Variants in KCNJ16 observed in about 807,000 individuals in gnomAD.
KCNJ16 encodes the protein potassium inwardly rectifying channel subfamily J member 16.
A neutral mutation model predicts 18.5 loss-of-function variants in KCNJ16; 15 were observed. That is an observed-to-expected ratio of 0.81 (90% CI 0.54 to 1.25). The LOEUF (loss-of-function observed/expected upper bound fraction) is 1.25. KCNJ16 is among the 50% of genes most tolerant of loss of function. KCNJ16 has a pLI of 0.00. For synonymous variants in KCNJ16, 174 were observed against 186.5 expected, an observed-to-expected ratio of 0.93 and a Z score of 0.55; for missense variants, 523 against 525.7, an observed-to-expected ratio of 0.99 and a Z score of 0.05.
At chr17:70,124,630 T>C (rs1310350552) in intron 2 of KCNJ16, among the ~76,000 whole-genome samples, 1 of 152,146 alleles carries the variant, frequency 6.6e-6, no homozygotes, top group Admixed American at 6.5e-5. Flanking sequence ...TCTAAGCAAC[T>C]TGGGCTAACA....
At chr17:70,109,227 C>T (rs1431704958) in intron 2 of KCNJ16, among the ~76,000 whole-genome samples, 1 of 151,970 alleles carries the variant, frequency 6.6e-6, no homozygotes, top group African/African-American at 2.4e-5. Context: ...ATCCTGTGAC[C>T]CTGAATAAAT....
chr17:70,117,315 C>G (rs1191445594), intron 2 of KCNJ16, among the ~76,000 whole-genome samples: 1 of 152,098 alleles, frequency 6.6e-6, no homozygotes, highest in Non-Finnish European at 1.5e-5. Context: ...GGAGAGCGGG[C>G]AGGGCTTCAA....
intron 1 of KCNJ16, among the ~76,000 whole-genome samples, chr17:70,078,439 T>C (rs896087757): frequency 2.6e-5 from 4 of 152,202 alleles, no homozygotes; most frequent in African/African-American, 9.7e-5. Flanking sequence ...AAAATAGCTT[T>C]AGAGACTCCA....
At chr17:70,110,163 G>T (rs1040611793) in intron 2 of KCNJ16, among the ~76,000 whole-genome samples, 3 of 152,086 alleles carry the variant, frequency 2.0e-5, no homozygotes, top group Non-Finnish European at 2.9e-5. Context: ...ATCGTCACCT[G>T]TTATGGTGTG....
At chr17:70,080,343 G>T (rs1189959004) in intron 1 of KCNJ16, among the ~76,000 whole-genome samples, 2 of 152,088 alleles carry the variant, frequency 1.3e-5, no homozygotes. Flanking sequence ...CAATTTGGAC[G>T]GGGAGTAAAA....
chr17:70,124,898 T>TTGTGTGTGTGTGTGTG lies in KCNJ16; in HGVS notation c.-190-5968_-190-5967insGTGTGTGTGTGTGTGT, dbSNP rs71149824. Among the ~76,000 whole-genome samples, 93 of 151,210 alleles carry TTGTGTGTGTGTGTGTG rather than the reference T, an allele frequency of 6.2e-4. 1 individual carries two copies. Among genetic ancestry groups the TTGTGTGTGTGTGTGTG allele is most frequent in the African/African-American group, 1.8e-3 (74 of 41,056 alleles). ...CTGAGTTGAATAGATGGGTGTGTGT[T>TTGTGTGTGTGTGTGTG]TGTGTGTGTGTGTTCAGATATGGGT... On this transcript the variant is annotated intron_variant, in intron 2 of 3. Coordinates refer to ENST00000392671, the MANE Select transcript of KCNJ16 (RefSeq NM_170741.4).
At chr17:70,083,181 A>G (rs1482506541) in intron 1 of KCNJ16, among the ~76,000 whole-genome samples, 1 of 149,612 alleles carries the variant, frequency 6.7e-6, no homozygotes, top group Non-Finnish European at 1.5e-5. Flanking sequence ...CAGCTTCTCA[A>G]GTAGCTGGGA....
At chr17:70,102,307 A>C (rs1037467114) in intron 2 of KCNJ16, 4 of 137,870 alleles carry the variant, frequency 2.9e-5, no homozygotes, top group African/African-American at 5.6e-5. Context: ...AGTTCACTAC[A>C]ACCTCTGCCT....
At chr17:70,114,188 C>G (rs915873817) in intron 2 of KCNJ16, among the ~76,000 whole-genome samples, 1 of 152,134 alleles carries the variant, frequency 6.6e-6, no homozygotes, top group Admixed American at 6.6e-5. Flanking sequence ...CAGCTTAAAA[C>G]AGAAACCCAA....
intron 2 of KCNJ16, among the ~76,000 whole-genome samples, chr17:70,122,461 G>A (rs1336927542): frequency 2.0e-5 from 3 of 152,172 alleles, no homozygotes; most frequent in Non-Finnish European, 4.4e-5. Flanking sequence ...ACAGGCGTGA[G>A]TCACCACGCC....
At chr17:70,087,160 G>A (rs894272161) in intron 1 of KCNJ16, among the ~76,000 whole-genome samples, 2 of 151,224 alleles carry the variant, frequency 1.3e-5, no homozygotes, top group African/African-American at 2.4e-5. Context: ...CGCCTGCTTC[G>A]GCCTCCCAAA....
At chr17:70,092,541 T>TACATAGAC (rs2072151641) in intron 1 of KCNJ16, among the ~76,000 whole-genome samples, 1 of 16,588 alleles carries the variant, frequency 6.0e-5, no homozygotes. Context: ...CAGATAGATA[T>TACATAGAC]AGATAGATAT....
chr17:70,078,222 T>A (rs1428996071), intron 1 of KCNJ16, among the ~76,000 whole-genome samples: 2 of 152,188 alleles, frequency 1.3e-5, no homozygotes, highest in Non-Finnish European at 2.9e-5. Flanking sequence ...CTTTTCCCAG[T>A]TGCCATGGCT....
At chr17:70,117,436 C>T (rs940122083) in intron 2 of KCNJ16, among the ~76,000 whole-genome samples, 2 of 151,934 alleles carry the variant, frequency 1.3e-5, no homozygotes, top group Admixed American at 1.3e-4. Context: ...CGACATGGAC[C>T]CCAGAATTTA....
chr17:70,082,533 G>T (rs564564913), intron 1 of KCNJ16, among the ~76,000 whole-genome samples: 2 of 152,282 alleles, frequency 1.3e-5, no homozygotes, highest in South Asian at 2.1e-4. Context: ...AAGCTAATTA[G>T]TGTTTTCCTA....
At chr17:70,106,014 G>T (rs749514809) in intron 2 of KCNJ16, among the ~76,000 whole-genome samples, 3 of 152,118 alleles carry the variant, frequency 2.0e-5, no homozygotes, top group Non-Finnish European at 4.4e-5. Context: ...TGGAGTGCGG[G>T]TATTTTTTCT....
intron 1 of KCNJ16, among the ~76,000 whole-genome samples, chr17:70,098,030 T>C (rs2072458706): frequency 6.6e-6 from 1 of 152,210 alleles, no homozygotes; most frequent in Non-Finnish European, 1.5e-5. Context: ...AATGCTTTCC[T>C]AGAATAATAC....
chr17:70,130,609 A>G (rs1463681448), intron 2 of KCNJ16, among the ~76,000 whole-genome samples: 1 of 152,200 alleles, frequency 6.6e-6, no homozygotes, highest in Non-Finnish European at 1.5e-5. Flanking sequence ...GAGGGAAGTT[A>G]ACTCTTTCTG....
At chr17:70,087,827 G>C (rs1455403359) in intron 1 of KCNJ16, among the ~76,000 whole-genome samples, 1 of 151,980 alleles carries the variant, frequency 6.6e-6, no homozygotes, top group Non-Finnish European at 1.5e-5. Flanking sequence ...TACCAACAAT[G>C]AATAAAACAA....
Sources: allele counts gnomAD v4.1 joint callset (sites outside exome capture counted in the v4.1 genomes callset), GRCh38; gene constraint gnomAD v4.1.1; transcripts MANE v1.5; gene names NCBI Gene and HGNC (gene_info 2026-07-23, HGNC 2026-07-21).